IQCJ: variants seen among roughly 807,000 people sequenced by gnomAD.
IQCJ encodes IQ motif containing J, also known as IQ domain-containing protein J.
IQCJ carries 9 observed loss-of-function variants against 11.0 expected under a neutral mutation model. The observed-to-expected ratio is 0.82, with a 90% confidence interval of 0.49 to 1.43. IQCJ has a LOEUF of 1.43. Ranked by LOEUF, IQCJ falls within the 40% of genes most tolerant of loss-of-function variation. IQCJ has a pLI of 0.00. For missense variants in IQCJ, 146 were observed against 133.2 expected (o/e 1.10, Z -0.47); for synonymous variants, 55 against 51.3 (o/e 1.07, Z -0.31).
At chr3:159,142,472 A>C (rs978995970) in intron 1 of IQCJ, among the ~76,000 whole-genome samples, 1 of 151,666 alleles carries the variant, frequency 6.6e-6, no homozygotes, top group Non-Finnish European at 1.5e-5. Context: ...GCTGGAGTGC[A>C]GTGGTGTGAT....
intron 1 of IQCJ, among the ~76,000 whole-genome samples, chr3:159,122,586 G>T (rs562484419): frequency 6.6e-6 from 1 of 151,624 alleles, no homozygotes; most frequent in East Asian, 1.9e-4. Flanking sequence ...TTTTTTCTTC[G>T]AAAAGTTTCC....
At chr3:159,244,767 A>T (rs1373167508) in intron 1 of IQCJ, among the ~76,000 whole-genome samples, 2 of 152,150 alleles carry the variant, frequency 1.3e-5, no homozygotes, top group African/African-American at 4.8e-5. Flanking sequence ...GTGATCTAGG[A>T]GACTTGGGTG....
At chr3:159,101,495 A>T (rs1422827074) in intron 1 of IQCJ, among the ~76,000 whole-genome samples, 1 of 152,184 alleles carries the variant, frequency 6.6e-6, no homozygotes, top group East Asian at 1.9e-4. Flanking sequence ...AGGTTGCTTC[A>T]TGGGAAGGGG....
At chr3:159,072,396 G>T in intron 1 of IQCJ, among the ~76,000 whole-genome samples, 1 of 151,940 alleles carries the variant, frequency 6.6e-6, no homozygotes, top group African/African-American at 2.4e-5. Flanking sequence ...GGAAAAGAAA[G>T]GAGAAGTAAA....
At chr3:159,208,576 A>G (rs1233582542) in intron 1 of IQCJ, among the ~76,000 whole-genome samples, 2 of 152,128 alleles carry the variant, frequency 1.3e-5, no homozygotes, top group Admixed American at 1.3e-4. Flanking sequence ...ACTGAGGTCT[A>G]CTCAATTCCT....
chr3:159,112,326 A>ATT (rs143087771), intron 1 of IQCJ, among the ~76,000 whole-genome samples: 1 of 151,182 alleles, frequency 6.6e-6, no homozygotes, highest in African/African-American at 2.4e-5. Context: ...ATAAAATTGG[A>ATT]TTTTTTTTTC....
chr3:159,111,340 C>T (rs948543546), intron 1 of IQCJ, among the ~76,000 whole-genome samples: 1 of 152,014 alleles, frequency 6.6e-6, no homozygotes, highest in Non-Finnish European at 1.5e-5. Flanking sequence ...ATTGAACATA[C>T]TTGTATTTGA....
intron 1 of IQCJ, among the ~76,000 whole-genome samples, chr3:159,109,527 T>TAA (rs3051445): frequency 0.41 from 50,673 of 122,434 alleles, 11,640 homozygotes; most frequent in Non-Finnish European, 0.54. Flanking sequence ...TTGTATTAAC[T>TAA]AAAAAAAAAA....
At chr3:159,130,142 CA>C (rs1485523639) in intron 1 of IQCJ, among the ~76,000 whole-genome samples, 18 of 152,256 alleles carry the variant, frequency 1.2e-4, no homozygotes, top group African/African-American at 4.3e-4. Flanking sequence ...ATAATTGTAT[CA>C]TTTCAAGAAT....
chr3:159,111,356 CTCTCT>C lies in IQCJ; in HGVS notation c.9+41922_9+41926del, dbSNP rs538464101. Among the ~76,000 whole-genome samples, 262 of 152,156 alleles carry C rather than the reference CTCTCT, an allele frequency of 1.7e-3. 2 individuals are homozygous for C. Among genetic ancestry groups the C allele is most frequent in the African/African-American group, 6.1e-3 (253 of 41,508 alleles). ...TTGAACATACTTGTATTTGAACTAG[CTCTCT>C]TCTCTTTGATTATATGATTTTAAAT... On this transcript the variant is annotated intron_variant, in intron 1 of 3. Coordinates refer to ENST00000397832, the MANE Select transcript of IQCJ (RefSeq NM_001042706.3).
intron 1 of IQCJ, among the ~76,000 whole-genome samples, chr3:159,189,469 G>T (rs893436835): frequency 7.9e-5 from 12 of 152,042 alleles, no homozygotes; most frequent in African/African-American, 2.9e-4. Flanking sequence ...AGCAAATTTT[G>T]GCTCTTTCAT....
At chr3:159,115,245 T>C (rs970925521) in intron 1 of IQCJ, among the ~76,000 whole-genome samples, 1 of 152,222 alleles carries the variant, frequency 6.6e-6, no homozygotes, top group Non-Finnish European at 1.5e-5. Flanking sequence ...CTCTCTTCCA[T>C]GGCTCTGTCA....
intron 1 of IQCJ, among the ~76,000 whole-genome samples, chr3:159,116,659 T>C (rs1719036557): frequency 3.2e-5 from 1 of 30,794 alleles, no homozygotes; most frequent in African/African-American, 1.6e-4. Context: ...TATATATATA[T>C]ATATATATAT....
intron 1 of IQCJ, among the ~76,000 whole-genome samples, chr3:159,226,958 T>C (rs966671910): frequency 6.6e-6 from 1 of 152,202 alleles, no homozygotes; most frequent in African/African-American, 2.4e-5. Context: ...AATTTGCTTT[T>C]GTTTGTGGAG....
intron 1 of IQCJ, among the ~76,000 whole-genome samples, chr3:159,108,105 G>C (rs1718388036): frequency 6.6e-6 from 1 of 151,606 alleles, no homozygotes; most frequent in African/African-American, 2.4e-5. Flanking sequence ...TTACTCCCTA[G>C]TTCAGGTTAG....
At chr3:159,157,544 T>G (rs1189725947) in intron 1 of IQCJ, among the ~76,000 whole-genome samples, 1 of 152,158 alleles carries the variant, frequency 6.6e-6, no homozygotes, top group Non-Finnish European at 1.5e-5. Context: ...AAGGTAAAAC[T>G]TTTTTAAAAA....
chr3:159,149,113 A>G (rs1577041455), intron 1 of IQCJ, among the ~76,000 whole-genome samples: 2 of 148,664 alleles, frequency 1.3e-5, no homozygotes, highest in East Asian at 3.9e-4. Flanking sequence ...TCCAATCTAC[A>G]TTAATTAATA....
chr3:159,187,673 G>A (rs1723449427), intron 1 of IQCJ, among the ~76,000 whole-genome samples: 1 of 152,234 alleles, frequency 6.6e-6, no homozygotes, highest in South Asian at 2.1e-4. Flanking sequence ...TATCAGGGAA[G>A]CTCGAAGGAT....
intron 1 of IQCJ, among the ~76,000 whole-genome samples, chr3:159,190,490 G>A (rs1011301863): frequency 1.3e-5 from 2 of 152,182 alleles, no homozygotes; most frequent in African/African-American, 2.4e-5. Context: ...GAGGAGAGGC[G>A]CATGAATCAT....
Sources: allele counts gnomAD v4.1 joint callset (sites outside exome capture counted in the v4.1 genomes callset), GRCh38; gene constraint gnomAD v4.1.1; transcripts MANE v1.5; gene names NCBI Gene and HGNC (gene_info 2026-07-23, HGNC 2026-07-21).